The following ERAP1 variants were observed in gnomAD, a reference collection of about 807,000 sequenced individuals.
ERAP1 encodes the protein adipocyte-derived leucine aminopeptidase.
A neutral mutation model predicts 103.7 loss-of-function variants in ERAP1; 86 were observed. That is an observed-to-expected ratio of 0.83 (90% CI 0.70 to 0.99). The LOEUF (loss-of-function observed/expected upper bound fraction) is 0.99, where lower values mean the gene tolerates loss of function less well. Ranked by LOEUF, ERAP1 falls within the 50% of genes least tolerant of loss-of-function variation. ERAP1 has a pLI of 0.00. For synonymous variants in ERAP1, 398 were observed against 402.4 expected, an observed-to-expected ratio of 0.99 and a Z score of 0.13; for missense variants, 1,009 against 1,128.4, an observed-to-expected ratio of 0.89 and a Z score of 1.52.
At chr5:96,863,661 C>A in the ERAP1 span, among the ~76,000 whole-genome samples, 1 of 152,098 alleles carries the variant, frequency 6.6e-6, no homozygotes, top group Admixed American at 6.6e-5. Context: ...GACTTTGCTG[C>A]CTTTTTATGT....
intron 15 of ERAP1, among the ~76,000 whole-genome samples, chr5:96,782,374 C>G (rs987079392): frequency 9.8e-5 from 15 of 152,288 alleles, no homozygotes; most frequent in Non-Finnish European, 8.8e-5. Flanking sequence ...GTAGCCTTCT[C>G]AAAAATGTGA....
the ERAP1 span, among the ~76,000 whole-genome samples, chr5:96,921,795 C>G: frequency 6.6e-6 from 1 of 152,174 alleles, no homozygotes; most frequent in Non-Finnish European, 1.5e-5. Flanking sequence ...TGTCATATTT[C>G]TTTCTTTCAA....
the ERAP1 span, among the ~76,000 whole-genome samples, chr5:96,826,566 C>A: frequency 6.6e-6 from 1 of 152,182 alleles, no homozygotes; most frequent in African/African-American, 2.4e-5. Context: ...AAAAGAGCCA[C>A]AAATGGGTGT....
chr5:96,869,749 G>C, the ERAP1 span, among the ~76,000 whole-genome samples: 1 of 152,220 alleles, frequency 6.6e-6, no homozygotes, highest in African/African-American at 2.4e-5. Context: ...GCTATTGTAA[G>C]GTGATCAGAC....
At chr5:96,800,348 C>A (rs1056391420) in intron 3 of ERAP1, among the ~76,000 whole-genome samples, 1 of 152,204 alleles carries the variant, frequency 6.6e-6, no homozygotes, top group African/African-American at 2.4e-5. Context: ...GACTTACCTT[C>A]AGCACCATAA....
the ERAP1 span, chr5:96,903,430 A>C: frequency 6.2e-7 from 1 of 1,613,946 alleles, no homozygotes; most frequent in Non-Finnish European, 8.5e-7. Context: ...TGTGGACTCA[A>C]ATGGTTACTA....
upstream of ERAP1, among the ~76,000 whole-genome samples, chr5:96,812,273 C>G (rs893550445): frequency 6.6e-6 from 1 of 152,170 alleles, no homozygotes; most frequent in Non-Finnish European, 1.5e-5. Flanking sequence ...TCTACTATTT[C>G]AAAGAAAACC....
the ERAP1 span, among the ~76,000 whole-genome samples, chr5:96,913,084 G>A: frequency 6.6e-6 from 1 of 152,138 alleles, no homozygotes; most frequent in Non-Finnish European, 1.5e-5. Flanking sequence ...CATATAAGAT[G>A]TGTAAATGAT....
At chr5:96,890,384 C>T in the ERAP1 span, among the ~76,000 whole-genome samples, 4 of 152,180 alleles carry the variant, frequency 2.6e-5, no homozygotes, top group Non-Finnish European at 2.9e-5. Context: ...CACCTCTGAT[C>T]TGGCAGGAGG....
At chr5:96,895,700 G>C in the ERAP1 span, among the ~76,000 whole-genome samples, 1 of 152,194 alleles carries the variant, frequency 6.6e-6, no homozygotes. Context: ...AGAGTTCTCG[G>C]CATGTAACCT....
the ERAP1 span, among the ~76,000 whole-genome samples, chr5:96,887,484 GA>G: frequency 2.0e-5 from 3 of 152,012 alleles, no homozygotes; most frequent in Non-Finnish European, 4.4e-5. Flanking sequence ...TATATTTGTA[GA>G]GATGGGGTTT....
the ERAP1 span, chr5:96,873,145 T>C: frequency 1.7e-5 from 6 of 345,210 alleles, no homozygotes; most frequent in South Asian, 1.3e-4. Context: ...GCAGAGATTG[T>C]GCCACCGCAC....
the ERAP1 span, among the ~76,000 whole-genome samples, chr5:96,870,006 G>C: frequency 3.3e-5 from 5 of 152,174 alleles, no homozygotes; most frequent in African/African-American, 1.2e-4. Context: ...GAATTACTAA[G>C]CTAAGATTCT....
chr5:96,878,902 T>C, the ERAP1 span, among the ~76,000 whole-genome samples: 1 of 152,172 alleles, frequency 6.6e-6, no homozygotes, highest in Admixed American at 6.5e-5. Context: ...CATTCCAACC[T>C]GGACAACAGC....
the ERAP1 span, among the ~76,000 whole-genome samples, chr5:96,910,741 T>C: frequency 1.3e-5 from 2 of 152,190 alleles, no homozygotes; most frequent in Non-Finnish European, 2.9e-5. Context: ...ATATTGTTGG[T>C]TTTTTCTAAA....
intron 19 of ERAP1, chr5:96,767,623 G>A (rs1770466295): frequency 1.5e-6 from 1 of 678,310 alleles, no homozygotes; most frequent in East Asian, 2.7e-5. Context: ...AAATGTGTGT[G>A]ACTATTGTTT....
intron 4 of ERAP1, among the ~76,000 whole-genome samples, chr5:96,795,553 G>A (rs573053609): frequency 2.0e-5 from 3 of 152,314 alleles, no homozygotes; most frequent in East Asian, 3.9e-4. Context: ...GAAGGACTCA[G>A]GAGTTAAGAG....
Position 96,793,963 on chromosome 5 carries a change from G to A in ERAP1, c.920-6C>T. 1.9e-6 allele frequency: 3 copies of A among 1,613,834 alleles called. No homozygotes were observed. The highest frequency in any genetic ancestry group is 2.5e-6 in the Non-Finnish European group (3 of 1,179,800). On this transcript the variant is annotated splice_polypyrimidine_tract_variant and splice_region_variant and intron_variant, in intron 5 of 18. Transcript: ENST00000443439. ...GTCGGGAATAGCAGCAAGATCTTGG[G>A]AAGGAAGTAATAAAATACATTACCA...
intron 14 of ERAP1, 53 bp from the exon 15 acceptor site, chr5:96,783,288 T>C (rs1775488016): frequency 1.2e-5 from 19 of 1,528,924 alleles, no homozygotes; most frequent in Non-Finnish European, 8.9e-7. Flanking sequence ...GGTCATTTCA[T>C]GTTAATATAA....
Sources: gnomAD v4.1 joint callset for allele counts (sites outside exome capture counted in the v4.1 genomes callset) on GRCh38, gnomAD v4.1.1 for gene constraint, MANE v1.5 for transcripts, NCBI Gene and HGNC (gene_info 2026-07-23, HGNC 2026-07-21) for gene names.